Variants in CNTNAP2 observed in about 807,000 individuals in gnomAD.
CNTNAP2 encodes the protein contactin associated protein 2.
CNTNAP2 carries 98 observed loss-of-function variants against 155.2 expected under a neutral mutation model. The observed-to-expected ratio is 0.63, with a 90% confidence interval of 0.54 to 0.75. CNTNAP2 has a LOEUF of 0.75. Ranked by LOEUF, CNTNAP2 falls within the 30% of genes least tolerant of loss-of-function variation. The probability of loss-of-function intolerance (pLI) is 0.00; values close to 1 mark genes in which losing one functional copy is unlikely to be tolerated. For missense variants in CNTNAP2, 1,727 were observed against 1,688.1 expected, an observed-to-expected ratio of 1.02 and a Z score of -0.40; for synonymous variants, 651 against 631.2, an observed-to-expected ratio of 1.03 and a Z score of -0.47.
chr7:147,142,063 A>G (rs1392421941), intron 8 of CNTNAP2, among the ~76,000 whole-genome samples: 2 of 151,982 alleles, frequency 1.3e-5, no homozygotes, highest in Non-Finnish European at 2.9e-5. Flanking sequence ...AATACCCTTT[A>G]TTTCCTTCTC....
At chr7:147,346,247 C>T (rs1225055833) in intron 9 of CNTNAP2, among the ~76,000 whole-genome samples, 4 of 150,530 alleles carry the variant, frequency 2.7e-5, no homozygotes, top group Non-Finnish European at 5.9e-5. Flanking sequence ...CTCCGCTTCC[C>T]GGGTTCACGC....
chr7:147,241,251 G>A (rs763460641), intron 8 of CNTNAP2, among the ~76,000 whole-genome samples: 1 of 152,144 alleles, frequency 6.6e-6, no homozygotes, highest in Admixed American at 6.5e-5. Flanking sequence ...AGAATTCTGG[G>A]TCATTCTCCC....
chr7:146,936,291 A>G (rs777152863), intron 3 of CNTNAP2, among the ~76,000 whole-genome samples: 5 of 152,188 alleles, frequency 3.3e-5, no homozygotes, highest in South Asian at 2.1e-4. Flanking sequence ...AGTGTGACAT[A>G]ATCAAGCTAA....
chr7:146,317,512 A>G (rs1800927172), intron 1 of CNTNAP2, among the ~76,000 whole-genome samples: 1 of 152,222 alleles, frequency 6.6e-6, no homozygotes, highest in Non-Finnish European at 1.5e-5. Context: ...ATAGGCACTC[A>G]TCACATGATC....
intron 1 of CNTNAP2, among the ~76,000 whole-genome samples, chr7:146,373,005 T>C (rs1233049690): frequency 1.3e-5 from 2 of 152,106 alleles, no homozygotes; most frequent in Non-Finnish European, 2.9e-5. Flanking sequence ...GAAAGGCATG[T>C]GATAATAAGA....
intron 3 of CNTNAP2, among the ~76,000 whole-genome samples, chr7:146,956,695 C>T (rs1344614946): frequency 6.6e-6 from 1 of 152,024 alleles, no homozygotes; most frequent in Non-Finnish European, 1.5e-5. Flanking sequence ...TATAATATCC[C>T]CTTGAAAACT....
intron 12 of CNTNAP2, among the ~76,000 whole-genome samples, chr7:147,580,479 A>G (rs993213477): frequency 6.6e-6 from 1 of 152,202 alleles, no homozygotes; most frequent in African/African-American, 2.4e-5. Context: ...TTAAATGCTG[A>G]AATTTTTTTT....
intron 8 of CNTNAP2, among the ~76,000 whole-genome samples, chr7:147,247,434 C>T (rs1324945410): frequency 1.3e-5 from 2 of 152,132 alleles, no homozygotes; most frequent in Non-Finnish European, 2.9e-5. Flanking sequence ...CATTTTTATA[C>T]CTGCTCCCAG....
chr7:146,331,600 A>C (rs932926093), intron 1 of CNTNAP2, among the ~76,000 whole-genome samples: 6 of 152,040 alleles, frequency 3.9e-5, no homozygotes, highest in African/African-American at 1.2e-4. Flanking sequence ...TCTGGGCATC[A>C]TACTTTCTCC....
rs980891168 is a variant in CNTNAP2 at position 146,216,447 on chromosome 7, A to G, written c.97+99474A>G. Among the ~76,000 whole-genome samples the G allele has an allele frequency of 5.3e-5, 8 of 152,314 alleles. No individual in the cohort carries two copies. The East Asian group carries it at 1.2e-3, about 22-fold the overall frequency. ...GGAACCCTTGTTGGTGCTGCAGTTA[A>G]AGAGTTACTTCAAAATCCTGCCTCA... is the stretch of plus-strand genomic sequence containing the variant. On this transcript the variant is annotated intron_variant, in intron 1 of 23. Coordinates refer to ENST00000361727, the MANE Select transcript of CNTNAP2 (RefSeq NM_014141.6).
chr7:146,172,118 G>A (rs931985663), intron 1 of CNTNAP2, among the ~76,000 whole-genome samples: 37 of 129,166 alleles, frequency 2.9e-4, no homozygotes, highest in Admixed American at 1.3e-3. Flanking sequence ...TTACCAGTTC[G>A]TGTTATTTCT....
Position 147,881,516 on chromosome 7 carries a change from G to A in CNTNAP2, c.2099-22049G>A, listed in dbSNP as rs568741505. Among the ~76,000 whole-genome samples the A allele has an allele frequency of 2.1e-4, 32 of 152,284 alleles. No individual in the cohort carries two copies. In the South Asian group the frequency reaches 5.0e-3, roughly 24 times the overall value. The stretch of plus-strand genomic sequence containing the variant: ...GATGGCTTCCACCCGCTGAGTAGTC[G>A]TCGGTCTAGAAAGAAGCTGACATTT... On this transcript the variant is annotated intron_variant, in intron 13 of 23. Transcript: ENST00000361727.
rs1028168896 is a variant in CNTNAP2 at position 148,360,452 on chromosome 7, T to C, written c.3476-23197T>C. Among the ~76,000 whole-genome samples the C allele has an allele frequency of 3.3e-5, 5 of 152,116 alleles. No homozygotes were observed. In the South Asian group the frequency reaches 8.3e-4, roughly 25 times the overall value. On this transcript the variant is annotated intron_variant, in intron 21 of 23. Coordinates refer to ENST00000361727, the MANE Select transcript of CNTNAP2 (RefSeq NM_014141.6). Reference sequence around the variant, plus strand: ...CCTCAGAAAAATGCTAACTCTGAAATAGGAAATGGAGACGGAATTGGAAAT... The same window carrying C: ...CCTCAGAAAAATGCTAACTCTGAAACAGGAAATGGAGACGGAATTGGAAAT...
intron 8 of CNTNAP2, among the ~76,000 whole-genome samples, chr7:147,281,619 C>T (rs1239905040): frequency 2.6e-5 from 4 of 151,480 alleles, no homozygotes; most frequent in African/African-American, 9.7e-5. Flanking sequence ...ATTAAATAAT[C>T]CCTACAATAC....
intron 1 of CNTNAP2, among the ~76,000 whole-genome samples, chr7:146,702,100 C>A (rs952277515): frequency 6.6e-6 from 1 of 152,120 alleles, no homozygotes; most frequent in African/African-American, 2.4e-5. Flanking sequence ...ACAGATGTTT[C>A]TATTTGACAT....
intron 13 of CNTNAP2, among the ~76,000 whole-genome samples, chr7:147,732,258 A>G (rs191648769): frequency 7.1e-6 from 1 of 140,678 alleles, no homozygotes; most frequent in African/African-American, 2.6e-5. Context: ...TCATTGTTCA[A>G]TTCCCACCTA....
At chr7:147,858,150 T>C (rs1033110097) in intron 13 of CNTNAP2, among the ~76,000 whole-genome samples, 1 of 152,184 alleles carries the variant, frequency 6.6e-6, no homozygotes, top group Non-Finnish European at 1.5e-5. Context: ...TGCAGTGGCG[T>C]GATCTTGGCT....
rs148921112 is a variant in CNTNAP2, at chr7:147,563,511, C to T, written c.1897+1254C>T. ...GGGCTTCGTGGCACACACATGTAGT[C>T]CCAGCTACTCAGGAGGCTAAGGCAG... On this transcript the variant is annotated intron_variant, in intron 12 of 23. Coordinates refer to ENST00000361727, the MANE Select transcript of CNTNAP2 (RefSeq NM_014141.6). 9.1e-4 allele frequency among the ~76,000 whole-genome samples: 138 copies of T among 152,090 alleles called. 1 individual carries two copies. Among genetic ancestry groups the T allele is most frequent in the African/African-American group, 3.2e-3 (134 of 41,494 alleles).
intron 8 of CNTNAP2, among the ~76,000 whole-genome samples, chr7:147,263,321 G>A (rs1212115798): frequency 2.6e-5 from 4 of 151,492 alleles, no homozygotes; most frequent in African/African-American, 9.7e-5. Flanking sequence ...TGATCATGCC[G>A]CTGTCCTCCA....
Sources: allele counts gnomAD v4.1 joint callset (sites outside exome capture counted in the v4.1 genomes callset), GRCh38; gene constraint gnomAD v4.1.1; transcripts MANE v1.5; gene names NCBI Gene and HGNC (gene_info 2026-07-23, HGNC 2026-07-21).